Variants in SLC35E3 observed in about 807,000 individuals in gnomAD.
SLC35E3 encodes bladder cancer-overexpressed gene 1 protein.
Under a neutral mutation model 30.8 loss-of-function variants are expected in SLC35E3, and 28 were observed. The ratio of observed to expected loss-of-function variants is 0.91; its 90% CI spans 0.67 to 1.25. SLC35E3 has a LOEUF of 1.25. Among genes scored for constraint, SLC35E3 ranks in the 50% most tolerant of loss-of-function variants. The pLI, the probability that SLC35E3 is intolerant of heterozygous loss-of-function variation, is 0.00. For synonymous variants in SLC35E3, 146 were observed against 149.2 expected (o/e 0.98, Z 0.16); for missense variants, 365 against 375.4 (o/e 0.97, Z 0.23).
In SLC35E3 at chr12:68,776,512, CAA is replaced by C. The variant is rs747436123; in HGVS notation, c.*11634_*11635del. 1.1e-4 allele frequency: 14 copies of C among 124,110 alleles called. No individual in the cohort carries two copies. The highest frequency in any genetic ancestry group is 1.6e-4 in the Non-Finnish European group (9 of 57,900). The allele number at this position is 124,110 out of a possible 1,614,324, so 7.7% of individuals were successfully genotyped here. A position where few individuals can be genotyped will look rare whatever the true frequency, so the allele number is the denominator to read the frequency against. ...TGGGAGACAGAGTGAGACTCCGTCTCAAAAAAAAAAAAAGAAAAGAAAAATTA... is the reference window on the plus strand; with the variant it reads ...TGGGAGACAGAGTGAGACTCCGTCTCAAAAAAAAAAAGAAAAGAAAAATTA... On this transcript the variant is annotated 3_prime_UTR_variant, in exon 5 of 5. Transcript: ENST00000398004.
chr12:68,777,060 C>T lies in SLC35E3; in HGVS notation c.*12170C>T, dbSNP rs11177368. On this transcript the variant is annotated 3_prime_UTR_variant, in exon 5 of 5. Coordinates refer to ENST00000398004, the MANE Select transcript of SLC35E3 (RefSeq NM_018656.5). ...TCAAGAAAGCACTATCACCAATGGTCGCAAGGTCATGCTTAAGTCTTGGAA... is the reference window on the plus strand; with the variant it reads ...TCAAGAAAGCACTATCACCAATGGTTGCAAGGTCATGCTTAAGTCTTGGAA... 0.16 allele frequency: 24,432 copies of T among 152,106 alleles called. 2,297 individuals carry two copies. The highest frequency in any genetic ancestry group is 0.28 in the Middle Eastern group (81 of 294). The allele number at this position is 152,106 out of a possible 1,614,324, so 9.4% of individuals were successfully genotyped here.
At chr12:68,758,620 G>A (rs1879118366) in intron 3 of SLC35E3, among the ~76,000 whole-genome samples, 1 of 150,522 alleles carries the variant, frequency 6.6e-6, no homozygotes, top group South Asian at 2.1e-4. Context: ...GGATGTTATT[G>A]CAGTATTTTT....
chr12:68,752,029 C>T lies in SLC35E3; in HGVS notation c.514-3C>T. 1 of 1,568,270 alleles carries T rather than the reference C, an allele frequency of 6.4e-7. No individual in the cohort carries two copies. Among genetic ancestry groups the T allele is most frequent in the Non-Finnish European group, 8.6e-7 (1 of 1,161,926 alleles). On this transcript the variant is annotated splice_polypyrimidine_tract_variant and splice_region_variant and intron_variant, in intron 2 of 4. Transcript: ENST00000398004. ...CAGACATGTTTTATCTCCTAATTTT[C>T]AGTGGGTAGGAGCCAAACAGCATGA...
At position 68,773,075 on chromosome 12, in the gene SLC35E3, C is replaced by T. The variant is rs559422277; in HGVS notation, c.*8185C>T. 1.3e-5 allele frequency: 2 copies of T among 152,326 alleles called. No individual in the cohort carries two copies. The highest frequency in any genetic ancestry group is 3.9e-4 in the East Asian group (2 of 5,186). The allele number at this position is 152,326 out of a possible 1,614,324, so 9.4% of individuals were successfully genotyped here. ...TCTGGCAAAAAATAAATTTTGTTAT[C>T]CGTGCTTGGGGCGGTGACCCTTGAC... is the stretch of plus-strand genomic sequence containing the variant. On this transcript the variant is annotated 3_prime_UTR_variant, in exon 5 of 5. Coordinates refer to ENST00000398004, the MANE Select transcript of SLC35E3 (RefSeq NM_018656.5).
chr12:68,763,609 G>A (rs564109110), intron 4 of SLC35E3, among the ~76,000 whole-genome samples: 44 of 152,248 alleles, frequency 2.9e-4, no homozygotes, highest in African/African-American at 1.0e-3. Flanking sequence ...AGCAGGTCTC[G>A]AACTCCTGAC....
rs1237255848 is a variant in SLC35E3 at position 68,765,195 on chromosome 12, G to T, written c.*305G>T. On this transcript the variant is annotated 3_prime_UTR_variant, in exon 5 of 5. Coordinates refer to ENST00000398004, the MANE Select transcript of SLC35E3 (RefSeq NM_018656.5). ...CACTTGAACCCGGGAGGCGGCGGTT[G>T]CAGTGAGCCGAGATCGTACCATTGC... 3 of 186,770 alleles carry T rather than the reference G, an allele frequency of 1.6e-5. No individual in the cohort carries two copies. The highest frequency in any genetic ancestry group is 2.4e-5 in the African/African-American group (1 of 42,500). The allele number at this position is 186,770 out of a possible 1,614,324, so 11.6% of individuals were successfully genotyped here. A position where few individuals can be genotyped will look rare whatever the true frequency, so the allele number is the denominator to read the frequency against.
chr12:68,776,400 T>C lies in SLC35E3; in HGVS notation c.*11510T>C, dbSNP rs938427514. 2 of 150,458 alleles carry C rather than the reference T, an allele frequency of 1.3e-5. No homozygotes were observed. The highest frequency in any genetic ancestry group is 4.9e-5 in the African/African-American group (2 of 40,774). 9.3% of individuals were successfully genotyped at this position (150,458 alleles called of 1,614,324 possible). ...GGCAGGCGCCTGTAATCCCAGCTAC[T>C]CACTCAGGAGGCTGAGGCAGGAAAC... On this transcript the variant is annotated 3_prime_UTR_variant, in exon 5 of 5. Coordinates refer to ENST00000398004, the MANE Select transcript of SLC35E3 (RefSeq NM_018656.5).
intron 2 of SLC35E3, among the ~76,000 whole-genome samples, chr12:68,749,643 A>C (rs1201426676): frequency 6.6e-6 from 1 of 152,186 alleles, no homozygotes; most frequent in African/African-American, 2.4e-5. Flanking sequence ...GCAGCTCTTA[A>C]AGAGGGGCGG....
In SLC35E3 at chr12:68,771,928, A is replaced by C. The variant is rs945587444; in HGVS notation, c.*7038A>C. The C allele has an allele frequency of 3.9e-5, 6 of 152,226 alleles. No individual in the cohort carries two copies. Among genetic ancestry groups the C allele is most frequent in the Non-Finnish European group, 8.8e-5 (6 of 68,044 alleles). 9.4% of individuals were successfully genotyped at this position (152,226 alleles called of 1,614,324 possible). ...GACTGTCCAGCTCCAAAATCCCCTG[A>C]TTCTGCTTTTTCAGATTAAAATTAT... On this transcript the variant is annotated 3_prime_UTR_variant, in exon 5 of 5. Transcript: ENST00000398004.
rs889515665 is a variant in SLC35E3 at position 68,778,478 on chromosome 12, T to C, written c.*13588T>C. ...ATAAATAGTTGGAAGATTTATTTTTTATTTTGTTTTTTAGAAACAGGGTCT... is the reference window on the plus strand; with the variant it reads ...ATAAATAGTTGGAAGATTTATTTTTCATTTTGTTTTTTAGAAACAGGGTCT... On this transcript the variant is annotated 3_prime_UTR_variant, in exon 5 of 5. Transcript: ENST00000398004. 1 of 152,212 alleles carries C rather than the reference T, an allele frequency of 6.6e-6. No individual in the cohort carries two copies. The highest frequency in any genetic ancestry group is 2.4e-5 in the African/African-American group (1 of 41,460). The allele number at this position is 152,212 out of a possible 1,614,324, so 9.4% of individuals were successfully genotyped here. A position where few individuals can be genotyped will look rare whatever the true frequency, so the allele number is the denominator to read the frequency against.
intron 2 of SLC35E3, among the ~76,000 whole-genome samples, 156 bp from the exon 3 acceptor site, chr12:68,751,876 G>A (rs1287786252): frequency 6.6e-6 from 1 of 152,168 alleles, no homozygotes; most frequent in African/African-American, 2.4e-5. Context: ...CATTCATATA[G>A]CTTACTGGTC....
At chr12:68,746,885 C>T in intron 1 of SLC35E3, 106 bp downstream of exon 1, 1 of 1,229,238 alleles carries the variant, frequency 8.1e-7, no homozygotes, top group Non-Finnish European at 1.1e-6. Flanking sequence ...TTGAAATCCA[C>T]AAATGAGTCA....
chr12:68,748,064 G>A (rs1376864942), intron 2 of SLC35E3, 24 bp downstream of exon 2: 2 of 1,313,130 alleles, frequency 1.5e-6, no homozygotes, highest in Non-Finnish European at 2.2e-6. Flanking sequence ...TTTTCTTTAT[G>A]TGCCTTTTTA....
chr12:68,746,989 C>T (rs1878608664), intron 1 of SLC35E3, among the ~76,000 whole-genome samples: 1 of 152,034 alleles, frequency 6.6e-6, no homozygotes, highest in Non-Finnish European at 1.5e-5. Context: ...ATTTTAGTAG[C>T]TGCCATTTGA....
chr12:68,757,859 G>T (rs1879081060), intron 3 of SLC35E3, among the ~76,000 whole-genome samples: 1 of 151,988 alleles, frequency 6.6e-6, no homozygotes. Context: ...AGGCCAAGGG[G>T]TGCAGATCAC....
chr12:68,754,467 A>T (rs917876079), intron 3 of SLC35E3, among the ~76,000 whole-genome samples: 2 of 151,046 alleles, frequency 1.3e-5, no homozygotes, highest in Non-Finnish European at 3.0e-5. Context: ...TGTATTTTTG[A>T]TAGAGACAGG....
intron 3 of SLC35E3, among the ~76,000 whole-genome samples, chr12:68,756,301 T>TA (rs34141831): frequency 0.3 from 34,763 of 116,886 alleles, 5,239 homozygotes; most frequent in Non-Finnish European, 0.35. Context: ...GAAAAGCCAT[T>TA]AAAAAAAAAA....
chr12:68,752,093 C>G lies in SLC35E3; in HGVS notation c.575C>G (p.Ala192Gly). ...VNSMQLLYYQAPMSSAMLLVA... is the reference protein window; with the variant it reads ...VNSMQLLYYQGPMSSAMLLVA... ...TCAATGCAGCTGCTGTACTACCAGG[C>G]TCCGATGTCATCTGCCATGTTGCTG... Residue 192 changes from alanine (A) to glycine (G), a missense_variant, in exon 3 of 5, where the codon GCT (alanine) becomes GGT (glycine). Ala to Gly is a moderately conservative substitution (Grantham distance 60, BLOSUM62 0). Transcript: ENST00000398004. 1.9e-6 allele frequency: 3 copies of G among 1,613,850 alleles called. No individual in the cohort carries two copies. Among genetic ancestry groups the G allele is most frequent in the Non-Finnish European group, 2.5e-6 (3 of 1,179,948 alleles).
chr12:68,767,716 TGTCA>T lies in SLC35E3; in HGVS notation c.*2834_*2837del, dbSNP rs1879479214. On this transcript the variant is annotated 3_prime_UTR_variant, in exon 5 of 5. Coordinates refer to ENST00000398004, the MANE Select transcript of SLC35E3 (RefSeq NM_018656.5). ...AAATCTGTTTTGGAGAATTCCAGTT[TGTCA>T]GTCAGTCTCTTGTGTAATTAGTACG... 1 of 152,212 alleles carries T rather than the reference TGTCA, an allele frequency of 6.6e-6. No homozygotes were observed. The highest frequency in any genetic ancestry group is 6.5e-5 in the Admixed American group (1 of 15,276). 9.4% of individuals were successfully genotyped at this position (152,212 alleles called of 1,614,324 possible).
Sources: allele counts gnomAD v4.1 joint callset (sites outside exome capture counted in the v4.1 genomes callset), GRCh38; gene constraint gnomAD v4.1.1; transcripts MANE v1.5; gene names NCBI Gene and HGNC (gene_info 2026-07-23, HGNC 2026-07-21).